The following MECOM variants were observed in gnomAD, a reference collection of about 807,000 sequenced individuals.
The protein encoded by MECOM is MDS1 and EVI1 complex locus.
A neutral mutation model predicts 116.3 loss-of-function variants in MECOM; 13 were observed. The ratio of observed to expected loss-of-function variants is 0.11; its 90% CI spans 0.07 to 0.18. The LOEUF (loss-of-function observed/expected upper bound fraction) is 0.18. Among genes scored for constraint, MECOM ranks in the 10% least tolerant of loss-of-function variants. MECOM has a pLI of 1.00. For synonymous variants in MECOM, 528 were observed against 535.2 expected (o/e 0.99, Z 0.19); for missense variants, 1,299 against 1,509.0 (o/e 0.86, Z 2.31).
At chr3:169,330,851 A>T (rs563177990) in intron 2 of MECOM, among the ~76,000 whole-genome samples, 1 of 152,248 alleles carries the variant, frequency 6.6e-6, no homozygotes, top group East Asian at 1.9e-4. Flanking sequence ...CTTTCATTTT[A>T]TCCTCTTATG....
At chr3:169,586,452 C>T (rs1765787352) in intron 1 of MECOM, among the ~76,000 whole-genome samples, 3 of 152,110 alleles carry the variant, frequency 2.0e-5, no homozygotes, top group Admixed American at 1.3e-4. Context: ...GCTATTGTAC[C>T]TCTGGAAACC....
At chr3:169,325,377 A>G (rs951965534) in intron 2 of MECOM, among the ~76,000 whole-genome samples, 1 of 152,234 alleles carries the variant, frequency 6.6e-6, no homozygotes, top group Non-Finnish European at 1.5e-5. Context: ...AGGCCATGAC[A>G]TAACAACTGA....
intron 1 of MECOM, among the ~76,000 whole-genome samples, chr3:169,514,008 ACC>A (rs368332863): frequency 4.6e-5 from 7 of 152,100 alleles, no homozygotes; most frequent in African/African-American, 7.2e-5. Flanking sequence ...AGAAATACAG[ACC>A]TAATATTTCA....
intron 2 of MECOM, among the ~76,000 whole-genome samples, chr3:169,203,955 G>A (rs1749555752): frequency 6.6e-6 from 1 of 152,146 alleles, no homozygotes. Flanking sequence ...GAAGAAGAAT[G>A]GGTTGATCTT....
At chr3:169,608,436 G>T (rs1768851546) in intron 1 of MECOM, among the ~76,000 whole-genome samples, 1 of 152,164 alleles carries the variant, frequency 6.6e-6, no homozygotes, top group African/African-American at 2.4e-5. Context: ...AAAGTAATAT[G>T]ACCTAGAGAT....
intron 1 of MECOM, among the ~76,000 whole-genome samples, chr3:169,418,365 T>C (rs1381376841): frequency 6.6e-6 from 1 of 151,790 alleles, no homozygotes; most frequent in African/African-American, 2.4e-5. Flanking sequence ...TTCCAAACAA[T>C]AGAAAAAGAG....
intron 2 of MECOM, among the ~76,000 whole-genome samples, chr3:169,343,407 T>C (rs1816308): frequency 0.34 from 51,521 of 151,800 alleles, 10,818 homozygotes; most frequent in East Asian, 0.57. Context: ...GTGCAGTGAG[T>C]GGCTCCAGCA....
At chr3:169,167,772 C>CACACACACACACAA (rs1491116508) in intron 2 of MECOM, among the ~76,000 whole-genome samples, 1 of 151,260 alleles carries the variant, frequency 6.6e-6, no homozygotes, top group Non-Finnish European at 1.5e-5. Flanking sequence ...CACAGACACT[C>CACACACACACACAA]ACACACACAC....
At chr3:169,099,356 G>A (rs1176919193) in intron 12 of MECOM, among the ~76,000 whole-genome samples, 1 of 152,122 alleles carries the variant, frequency 6.6e-6, no homozygotes, top group Non-Finnish European at 1.5e-5. Context: ...CACTTAAGCA[G>A]AATTTCTGGT....
intron 2 of MECOM, among the ~76,000 whole-genome samples, chr3:169,369,042 T>C (rs1325157166): frequency 2.0e-5 from 3 of 152,030 alleles, no homozygotes; most frequent in Non-Finnish European, 4.4e-5. Flanking sequence ...TCCTCATACT[T>C]GAGGAAATTT....
chr3:169,375,558 C>A (rs1273204635), intron 2 of MECOM, among the ~76,000 whole-genome samples: 2 of 152,070 alleles, frequency 1.3e-5, no homozygotes, highest in Non-Finnish European at 2.9e-5. Flanking sequence ...CACCTCCATG[C>A]AAATAAACTA....
In MECOM at chr3:169,517,746, G is replaced by A. The variant is rs1756817457; in HGVS notation, c.38-136222C>T. ...CCAAAACAAGAAGAGACCAGTGAAA[G>A]CCCAAGGATTTCCATCCATTGATTC... On this transcript the variant is annotated intron_variant, in intron 1 of 16. Transcript: ENST00000651503. Among the ~76,000 whole-genome samples the A allele has an allele frequency of 2.0e-5, 3 of 152,274 alleles. No homozygotes were observed. In the South Asian group the frequency reaches 6.2e-4, roughly 32 times the overall value.
In MECOM at chr3:169,164,491, G is replaced by A. The variant is rs192901222; in HGVS notation, c.376-20659C>T. On this transcript the variant is annotated intron_variant, in intron 2 of 16. Coordinates refer to ENST00000651503, the MANE Select transcript of MECOM (RefSeq NM_004991.4). ...CAGTCTTTTAGGAAAAGATACACGC[G>A]AAAAGGAATTCAGTACTTAATACAG... is the stretch of plus-strand genomic sequence containing the variant. Among the ~76,000 whole-genome samples, 12 of 152,152 alleles carry A rather than the reference G, an allele frequency of 7.9e-5. No individual in the cohort carries two copies. In the East Asian group the frequency reaches 1.2e-3, roughly 15 times the overall value.
At chr3:169,227,986 C>T (rs1349195891) in intron 2 of MECOM, among the ~76,000 whole-genome samples, 1 of 152,158 alleles carries the variant, frequency 6.6e-6, no homozygotes, top group East Asian at 1.9e-4. Context: ...GAGACAAATA[C>T]ATTCAAAGGT....
chr3:169,273,628 T>A (rs963517846), intron 2 of MECOM, among the ~76,000 whole-genome samples: 1 of 152,164 alleles, frequency 6.6e-6, no homozygotes, highest in Non-Finnish European at 1.5e-5. Flanking sequence ...AGCAGTTTTA[T>A]CTTAGGCGGT....
intron 1 of MECOM, among the ~76,000 whole-genome samples, chr3:169,499,254 G>T (rs1271526689): frequency 7.1e-6 from 1 of 141,582 alleles, no homozygotes; most frequent in Non-Finnish European, 1.5e-5. Flanking sequence ...AAAAAGAAAA[G>T]TCCAAACTTA....
At chr3:169,421,197 A>T (rs1167663325) in intron 1 of MECOM, among the ~76,000 whole-genome samples, 2 of 152,146 alleles carry the variant, frequency 1.3e-5, no homozygotes, top group Non-Finnish European at 2.9e-5. Flanking sequence ...TTTGAAGGCT[A>T]AACGATTAGG....
At chr3:169,458,679 G>A (rs1746926927) in intron 1 of MECOM, among the ~76,000 whole-genome samples, 2 of 152,174 alleles carry the variant, frequency 1.3e-5, no homozygotes, top group South Asian at 2.1e-4. Context: ...TCACCAGCGA[G>A]GACTGGTGAC....
At chr3:169,410,309 T>C (rs1002991766) in intron 1 of MECOM, among the ~76,000 whole-genome samples, 3 of 152,238 alleles carry the variant, frequency 2.0e-5, no homozygotes, top group African/African-American at 7.2e-5. Flanking sequence ...TTTTGTTCAG[T>C]AGTTTTTAAA....
Sources: allele counts gnomAD v4.1 joint callset (sites outside exome capture counted in the v4.1 genomes callset), GRCh38; gene constraint gnomAD v4.1.1; transcripts MANE v1.5; gene names NCBI Gene and HGNC (gene_info 2026-07-23, HGNC 2026-07-21).